SOX5: variants seen among roughly 807,000 people sequenced by gnomAD.
SOX5 encodes SRY-box transcription factor 5, also known as transcription factor SOX-5.
Under a neutral mutation model 92.0 loss-of-function variants are expected in SOX5, and 9 were observed. The ratio of observed to expected loss-of-function variants is 0.10; its 90% confidence interval spans 0.06 to 0.17. SOX5 has a LOEUF of 0.17. Among genes scored for constraint, SOX5 ranks in the 10% least tolerant of loss-of-function variants. The probability of loss-of-function intolerance (pLI) is 1.00; values close to 1 mark genes in which losing one functional copy is unlikely to be tolerated. For missense variants in SOX5, 642 were observed against 944.5 expected (o/e 0.68, Z 4.20); for synonymous variants, 344 against 336.3 (o/e 1.02, Z -0.25).
intron 1 of SOX5, among the ~76,000 whole-genome samples, chr12:24,502,129 A>G (rs1465920965): frequency 2.0e-5 from 3 of 152,174 alleles, no homozygotes; most frequent in African/African-American, 7.2e-5. Flanking sequence ...TTGTCATATC[A>G]CCTTCTAAAA....
chr12:23,951,827 G>T (rs1202724746), upstream of SOX5, among the ~76,000 whole-genome samples: 2 of 152,030 alleles, frequency 1.3e-5, no homozygotes, highest in East Asian at 3.9e-4. Context: ...TTGGGGAAGG[G>T]GGGAAGAATA....
At chr12:23,625,834 C>T (rs193282411) in intron 8 of SOX5, among the ~76,000 whole-genome samples, 218 of 152,280 alleles carry the variant, frequency 1.4e-3, no homozygotes, top group African/African-American at 4.9e-3. Flanking sequence ...GTCTTGAACT[C>T]CTGACCTCAT....
At chr12:24,180,081 A>G (rs1460272570) in intron 4 of SOX5, among the ~76,000 whole-genome samples, 1 of 151,996 alleles carries the variant, frequency 6.6e-6, no homozygotes, top group African/African-American at 2.4e-5. Flanking sequence ...AGTAGCTGGG[A>G]TTATAGGAAT....
intron 3 of SOX5, among the ~76,000 whole-genome samples, chr12:23,774,734 A>AT (rs1199567290): frequency 6.6e-6 from 1 of 152,112 alleles, no homozygotes; most frequent in East Asian, 1.9e-4. Flanking sequence ...GAAGTCCTCT[A>AT]TTTTTACCCT....
intron 3 of SOX5, among the ~76,000 whole-genome samples, chr12:24,243,575 T>C (rs974417038): frequency 6.6e-5 from 10 of 152,190 alleles, no homozygotes; most frequent in African/African-American, 2.4e-4. Context: ...TCCATGTAAG[T>C]ATTACTTTTA....
chr12:23,548,695 G>A (rs1943624519), intron 11 of SOX5, among the ~76,000 whole-genome samples: 1 of 151,938 alleles, frequency 6.6e-6, no homozygotes, highest in Admixed American at 6.6e-5. Context: ...AGAAACTGAT[G>A]TGAGGAGACA....
chr12:23,732,139 A>G (rs1012776354), intron 6 of SOX5, among the ~76,000 whole-genome samples: 1 of 152,164 alleles, frequency 6.6e-6, no homozygotes, highest in African/African-American at 2.4e-5. Context: ...AGCAGATTGT[A>G]TATTTACTAG....
chr12:24,476,693 T>C (rs1945419106), intron 1 of SOX5, among the ~76,000 whole-genome samples: 1 of 152,044 alleles, frequency 6.6e-6, no homozygotes, highest in African/African-American at 2.4e-5. Context: ...TCGATATGTG[T>C]TGGCTTACCC....
intron 4 of SOX5, among the ~76,000 whole-genome samples, chr12:24,016,080 A>T (rs778837698): frequency 1.9e-4 from 29 of 152,212 alleles, no homozygotes; most frequent in Non-Finnish European, 4.0e-4. Context: ...GAGGATCATC[A>T]GCACCTATGC....
intron 3 of SOX5, among the ~76,000 whole-genome samples, chr12:23,793,373 A>G (rs2095509721): frequency 6.6e-6 from 1 of 152,200 alleles, no homozygotes; most frequent in Admixed American, 6.5e-5. Context: ...AGCCAAAAGT[A>G]GCTTATAAAG....
rs563122589 is a variant in SOX5, at chr12:23,852,957, G to A, written c.271-6764C>T. Among the ~76,000 whole-genome samples the A allele has an allele frequency of 2.0e-5, 3 of 151,858 alleles. No individual in the cohort carries two copies. In the South Asian group the frequency reaches 6.3e-4, roughly 32 times the overall value. ...TAAGGAGAGAAAAAGAGGCAGAGAA[G>A]GAAAGGGGGGAATGATTAAAAGCTG... On this transcript the variant is annotated intron_variant, in intron 2 of 14. Coordinates refer to ENST00000451604, the MANE Select transcript of SOX5 (RefSeq NM_006940.6).
chr12:24,350,068 G>T (rs948266880), intron 2 of SOX5, among the ~76,000 whole-genome samples: 1 of 152,202 alleles, frequency 6.6e-6, no homozygotes, highest in Non-Finnish European at 1.5e-5. Context: ...CAATCTAAAA[G>T]ATGGAACAGA....
At chr12:23,643,181 G>A (rs2080345421) in intron 7 of SOX5, among the ~76,000 whole-genome samples, 1 of 151,866 alleles carries the variant, frequency 6.6e-6, no homozygotes, top group Non-Finnish European at 1.5e-5. Context: ...ATATTTAAAT[G>A]GTATAACTGG....
Position 24,522,928 on chromosome 12 carries a change from G to A in SOX5, c.-251+39401C>T, listed in dbSNP as rs548491520. ...GCCTTAGCCAGAGCAGTTAGGCAAC[G>A]TAAGGAAAAAAAAAGATATCCAAAT... On this transcript the variant is annotated intron_variant, in intron 1 of 4. Transcript: ENST00000446891. Among the ~76,000 whole-genome samples the A allele has an allele frequency of 1.9e-4, 29 of 151,594 alleles. No homozygotes were observed. In the South Asian group the frequency reaches 4.8e-3, roughly 25 times the overall value.
At chr12:23,859,598 G>C (rs55691105) in intron 2 of SOX5, among the ~76,000 whole-genome samples, 3,597 of 152,176 alleles carry the variant, frequency 0.024, 75 homozygotes, top group Admixed American at 0.076. Context: ...CCTCTGCCTT[G>C]TGATCTTTTA....
intron 3 of SOX5, among the ~76,000 whole-genome samples, chr12:24,222,796 A>G (rs1960806525): frequency 6.6e-6 from 1 of 152,234 alleles, no homozygotes; most frequent in South Asian, 2.1e-4. Context: ...TAAAAAATAT[A>G]TAGCCCAAAG....
chr12:23,695,455 T>C (rs555001269), intron 6 of SOX5, among the ~76,000 whole-genome samples: 4 of 152,332 alleles, frequency 2.6e-5, no homozygotes, highest in African/African-American at 4.8e-5. Flanking sequence ...AAATTCTTTA[T>C]TGAGAAAAGT....
At chr12:24,045,788 A>C (rs1956947266) in intron 4 of SOX5, among the ~76,000 whole-genome samples, 1 of 152,204 alleles carries the variant, frequency 6.6e-6, no homozygotes, top group Non-Finnish European at 1.5e-5. Flanking sequence ...GTACAGGGGA[A>C]TCCTTTACAC....
intron 3 of SOX5, among the ~76,000 whole-genome samples, chr12:23,844,533 A>G (rs1275521070): frequency 2.6e-5 from 4 of 152,156 alleles, no homozygotes; most frequent in Non-Finnish European, 5.9e-5. Context: ...AAGTCTATTA[A>G]AATATCAAAA....
Sources: allele counts gnomAD v4.1 joint callset (sites outside exome capture counted in the v4.1 genomes callset), GRCh38; gene constraint gnomAD v4.1.1; transcripts MANE v1.5; gene names NCBI Gene and HGNC (gene_info 2026-07-23, HGNC 2026-07-21).